NOSTRIN: variants seen among roughly 807,000 people sequenced by gnomAD.
NOSTRIN encodes the protein nitric oxide synthase trafficking.
In NOSTRIN, 63 loss-of-function variants were observed where a neutral mutation model predicts 59.0. The observed-to-expected ratio is 1.07, with a 90% CI of 0.87 to 1.32. The LOEUF (loss-of-function observed/expected upper bound fraction) is 1.32, where lower values mean the gene tolerates loss of function less well. Ranked by LOEUF, NOSTRIN falls within the 40% of genes most tolerant of loss-of-function variation. The pLI, the probability that NOSTRIN is intolerant of heterozygous loss-of-function variation, is 0.00. For missense variants in NOSTRIN, 512 were observed against 473.1 expected (o/e 1.08, Z -0.76); for synonymous variants, 200 against 165.4 (o/e 1.21, Z -1.61).
chr2:168,833,976 C>T (rs576540514), intron 6 of NOSTRIN, among the ~76,000 whole-genome samples: 1 of 152,134 alleles, frequency 6.6e-6, no homozygotes, highest in South Asian at 2.1e-4. Context: ...TGAGGGTACC[C>T]GATATAATGA....
intron 15 of NOSTRIN, chr2:168,863,302 C>CTTTAAGAATAGTGATT (rs1689593957): frequency 1.1e-5 from 7 of 627,146 alleles, no homozygotes; most frequent in Non-Finnish European, 1.4e-5. Flanking sequence ...GAATAATGTC[C>CTTTAAGAATAGTGATT]TTTAAGAATA....
intron 2 of NOSTRIN, among the ~76,000 whole-genome samples, chr2:168,789,937 C>T (rs1433189417): frequency 6.6e-6 from 1 of 152,190 alleles, no homozygotes; most frequent in African/African-American, 2.4e-5. Context: ...CACTGGGGCA[C>T]CCACAGGCCG....
At chr2:168,827,873 A>G (rs1687138940) in intron 3 of NOSTRIN, among the ~76,000 whole-genome samples, 1 of 151,916 alleles carries the variant, frequency 6.6e-6, no homozygotes, top group Non-Finnish European at 1.5e-5. Flanking sequence ...AGGCTGAGGC[A>G]GTGCCACCAC....
Position 168,851,298 on chromosome 2 carries a change from G to A in NOSTRIN, c.749G>A (p.Cys250Tyr), listed in dbSNP as rs1688755755. 3 of 1,613,678 alleles carry A rather than the reference G, an allele frequency of 1.9e-6. No individual in the cohort carries two copies. The highest frequency in any genetic ancestry group is 2.7e-5 in the African/African-American group (2 of 74,896). Residue 250 changes from cysteine (C) to tyrosine (Y), a missense_variant, in exon 10 of 16, where the codon TGT becomes TAT. Coordinates refer to ENST00000317647, the MANE Select transcript of NOSTRIN (RefSeq NM_001039724.4). ...TTGCAGTGCCACACGCAGATTCACTGTGCCATCAGCAAGATTGACATTGAA... is the reference window on the plus strand; with the variant it reads ...TTGCAGTGCCACACGCAGATTCACTATGCCATCAGCAAGATTGACATTGAA... ...TLTTCHTQIH[C>Y]AISKIDIEKD...
chr2:168,845,066 G>C (rs540494611), intron 8 of NOSTRIN, among the ~76,000 whole-genome samples: 6 of 134,810 alleles, frequency 4.5e-5, no homozygotes, highest in South Asian at 2.7e-4. Context: ...ATGAAAACTT[G>C]GGTCAAAGAG....
upstream of NOSTRIN, among the ~76,000 whole-genome samples, chr2:168,796,035 A>G (rs970991962): frequency 1.3e-5 from 2 of 152,256 alleles, no homozygotes; most frequent in African/African-American, 4.8e-5. Flanking sequence ...ATGGAAATTA[A>G]GAAAACTAAT....
chr2:168,789,359 C>A (rs1283262628), intron 2 of NOSTRIN, among the ~76,000 whole-genome samples: 1 of 152,196 alleles, frequency 6.6e-6, no homozygotes, highest in African/African-American at 2.4e-5. Flanking sequence ...GACCTCATAA[C>A]CATGGCCGAA....
chr2:168,861,055 C>A, intron 14 of NOSTRIN, 146 bp downstream of exon 14: 2 of 593,782 alleles, frequency 3.4e-6, no homozygotes, highest in South Asian at 2.3e-5. Context: ...TTGTTAGACT[C>A]TGTAGCTTTA....
At chr2:168,797,899 G>A (rs1319355385), upstream of NOSTRIN, among the ~76,000 whole-genome samples, 1 of 152,006 alleles carries the variant, frequency 6.6e-6, no homozygotes, top group African/African-American at 2.4e-5. Context: ...GATTAAATAA[G>A]TTAATAAGTC....
intron 2 of NOSTRIN, chr2:168,818,185 A>AT (rs1416344483): frequency 5.8e-5 from 21 of 361,812 alleles, no homozygotes; most frequent in Non-Finnish European, 7.4e-5. Flanking sequence ...TGGGGTTCTC[A>AT]TTCTGCTGCT....
chr2:168,797,025 G>A (rs555776979), upstream of NOSTRIN, among the ~76,000 whole-genome samples: 11 of 151,612 alleles, frequency 7.3e-5, no homozygotes, highest in African/African-American at 2.7e-4. Flanking sequence ...GAGTACTGTG[G>A]GAGGCAGACC....
In NOSTRIN at chr2:168,865,145, G is replaced by A; in HGVS notation, c.*175G>A. 1.4e-6 allele frequency: 1 copy of A among 697,934 alleles called. No homozygotes were observed. Among genetic ancestry groups the A allele is most frequent in the Non-Finnish European group, 2.3e-6 (1 of 432,988 alleles). 43.2% of individuals were successfully genotyped at this position (697,934 alleles called of 1,614,324 possible). On this transcript the variant is annotated 3_prime_UTR_variant, in exon 16 of 16. Coordinates refer to ENST00000317647, the MANE Select transcript of NOSTRIN (RefSeq NM_001039724.4). ...ATTAGCTTGAAACAGTCAGAAAAAAGATGGATGGGTGGAGACAGACAAGGA... is the reference window on the plus strand; with the variant it reads ...ATTAGCTTGAAACAGTCAGAAAAAAAATGGATGGGTGGAGACAGACAAGGA...
intron 8 of NOSTRIN, among the ~76,000 whole-genome samples, chr2:168,844,030 TA>T (rs1275786499): frequency 6.6e-6 from 1 of 152,220 alleles, no homozygotes; most frequent in Non-Finnish European, 1.5e-5. Flanking sequence ...AAAAGTTAAT[TA>T]AAACTATATT....
At chr2:168,837,938 T>C (rs1687837385) in intron 7 of NOSTRIN, among the ~76,000 whole-genome samples, 1 of 152,186 alleles carries the variant, frequency 6.6e-6, no homozygotes, top group Non-Finnish European at 1.5e-5. Flanking sequence ...TTTTTTGGCC[T>C]GATCTTTATA....
At chr2:168,802,112 G>A (rs1212205783), upstream of NOSTRIN, among the ~76,000 whole-genome samples, 1 of 152,098 alleles carries the variant, frequency 6.6e-6, no homozygotes, top group African/African-American at 2.4e-5. Flanking sequence ...GGAGGTTTGG[G>A]CTCTGGATTT....
chr2:168,863,611 C>A (rs937744211), intron 15 of NOSTRIN: 2 of 985,052 alleles, frequency 2.0e-6, no homozygotes, highest in Non-Finnish European at 2.4e-6. Context: ...TTAAAGTTGT[C>A]TAAGTTGTTG....
At chr2:168,851,524 C>T (rs956268515) in intron 10 of NOSTRIN, 120 bp downstream of exon 10, 1 of 1,394,740 alleles carries the variant, frequency 7.2e-7, no homozygotes, top group Non-Finnish European at 9.5e-7. Context: ...TTTCTCATAC[C>T]CCATATAAAT....
intron 15 of NOSTRIN, chr2:168,863,676 G>A (rs201979691): frequency 1.0e-6 from 1 of 958,230 alleles, no homozygotes; most frequent in Admixed American, 7.4e-5. Flanking sequence ...AGCTGTGAGT[G>A]AGTTAAACTT....
chr2:168,815,971 C>G (rs1234050519), intron 2 of NOSTRIN, among the ~76,000 whole-genome samples: 1 of 152,236 alleles, frequency 6.6e-6, no homozygotes, highest in Non-Finnish European at 1.5e-5. Flanking sequence ...GACCATATTT[C>G]TCTCTTTGAA....
Sources: gnomAD v4.1 joint callset for allele counts (sites outside exome capture counted in the v4.1 genomes callset) on GRCh38, gnomAD v4.1.1 for gene constraint, MANE v1.5 for transcripts, NCBI Gene and HGNC (gene_info 2026-07-23, HGNC 2026-07-21) for gene names.